FUT8: variants seen among roughly 807,000 people sequenced by gnomAD.
FUT8 encodes alpha-(1,6)-fucosyltransferase.
Under a neutral mutation model 71.3 loss-of-function variants are expected in FUT8, and 29 were observed. That is an observed-to-expected ratio of 0.41 (90% CI 0.30 to 0.55). FUT8 has a LOEUF of 0.55. FUT8 is among the 20% of genes least tolerant of loss of function. The pLI is 0.34. For synonymous variants in FUT8, 254 were observed against 239.3 expected (o/e 1.06, Z -0.57); for missense variants, 544 against 702.1 (o/e 0.77, Z 2.55).
chr14:65,473,162 G>A (rs1196511679), intron 2 of FUT8, among the ~76,000 whole-genome samples: 5 of 152,088 alleles, frequency 3.3e-5, no homozygotes, highest in African/African-American at 9.7e-5. Flanking sequence ...TCAGTTAACA[G>A]TGTAAATGTT....
intron 2 of FUT8, among the ~76,000 whole-genome samples, chr14:65,458,934 G>A (rs958262320): frequency 2.0e-5 from 3 of 151,818 alleles, no homozygotes; most frequent in African/African-American, 7.3e-5. Context: ...GATTACAGAT[G>A]TGTGTCACCA....
At chr14:65,612,110 A>G (rs1347718821) in intron 3 of FUT8, among the ~76,000 whole-genome samples, 2 of 151,800 alleles carry the variant, frequency 1.3e-5, no homozygotes, top group Admixed American at 1.3e-4. Context: ...ACTCTTCTTT[A>G]TGGGTTGTCT....
intron 1 of FUT8, among the ~76,000 whole-genome samples, chr14:65,433,370 G>A (rs1379786727): frequency 1.3e-5 from 2 of 152,166 alleles, no homozygotes; most frequent in Non-Finnish European, 2.9e-5. Context: ...ACAAGTAGGG[G>A]CATTCCAGGA....
At chr14:65,629,402 A>T in intron 5 of FUT8, 90 bp from the exon 6 acceptor site, 1 of 750,632 alleles carries the variant, frequency 1.3e-6, no homozygotes, top group South Asian at 1.8e-5. Flanking sequence ...ATCAATCTTT[A>T]TGAGGAATCT....
At chr14:65,384,144 C>T in the FUT8 span, among the ~76,000 whole-genome samples, 1 of 152,132 alleles carries the variant, frequency 6.6e-6, no homozygotes, top group African/African-American at 2.4e-5. The surrounding 1 kb of genome is among the most constrained non-coding windows in gnomAD (Gnocchi z 4.2). Context: ...AGGCAGGATA[C>T]TAGTTAGGAA....
chr14:65,407,220 A>G (rs567996950), upstream of FUT8, among the ~76,000 whole-genome samples: 15 of 152,344 alleles, frequency 9.8e-5, no homozygotes, highest in African/African-American at 2.6e-4. Flanking sequence ...ATACTTCTCT[A>G]TCCTAAGTTG....
At chr14:65,634,426 C>T (rs528236246) in intron 6 of FUT8, among the ~76,000 whole-genome samples, 21 of 152,182 alleles carry the variant, frequency 1.4e-4, no homozygotes, top group African/African-American at 4.3e-4. Context: ...ACAAACACTG[C>T]GGAAGGCTGC....
intron 7 of FUT8, among the ~76,000 whole-genome samples, chr14:65,721,072 C>G (rs755729721): frequency 2.0e-5 from 3 of 152,090 alleles, no homozygotes; most frequent in African/African-American, 4.8e-5. Flanking sequence ...TTCAGTGTCT[C>G]TTTCAGCAAT....
At chr14:65,585,765 C>T (rs916330382) in intron 3 of FUT8, among the ~76,000 whole-genome samples, 2 of 152,168 alleles carry the variant, frequency 1.3e-5, no homozygotes, top group East Asian at 1.9e-4. Context: ...GAAATATTGG[C>T]GTTTGATTTC....
intron 2 of FUT8, among the ~76,000 whole-genome samples, chr14:65,516,822 C>T (rs1469499975): frequency 2.0e-5 from 3 of 151,862 alleles, no homozygotes; most frequent in East Asian, 1.9e-4. Flanking sequence ...ATCTCCAGAA[C>T]GCTTTCATCA....
At chr14:65,492,726 G>A (rs2066500186) in intron 2 of FUT8, among the ~76,000 whole-genome samples, 1 of 152,066 alleles carries the variant, frequency 6.6e-6, no homozygotes, top group Admixed American at 6.6e-5. Flanking sequence ...GAAGAGAAAG[G>A]AAATAAAACA....
chr14:65,655,471 G>A (rs1272975816), intron 6 of FUT8, among the ~76,000 whole-genome samples: 20 of 130,548 alleles, frequency 1.5e-4, no homozygotes, highest in African/African-American at 4.5e-4. Flanking sequence ...GCAAGACTCC[G>A]TCTCAAAAAA....
chr14:65,601,568 T>C (rs1888289883), intron 3 of FUT8, among the ~76,000 whole-genome samples: 2 of 152,166 alleles, frequency 1.3e-5, no homozygotes, highest in Admixed American at 1.3e-4. Flanking sequence ...TTTCTTATTA[T>C]CATGTGAAAC....
chr14:65,559,806 GAGAA>G (rs1164014820), intron 2 of FUT8, among the ~76,000 whole-genome samples: 7 of 152,062 alleles, frequency 4.6e-5, no homozygotes, highest in Admixed American at 1.3e-4. Flanking sequence ...AGTGGGGATT[GAGAA>G]AGAGTTTTAA....
Position 65,514,198 on chromosome 14 carries a change from G to T in FUT8, c.-227-47139G>T, listed in dbSNP as rs1414304419. On this transcript the variant is annotated intron_variant, in intron 2 of 10. Coordinates refer to ENST00000673929, the MANE Select transcript of FUT8 (RefSeq NM_001371533.1). ...TTGTCCCAGTTGTCTTTATCAGGCA[G>T]TTTACCAAGATCGGTTGGGCAGTTT... Among the ~76,000 whole-genome samples the T allele has an allele frequency of 2.8e-5, 4 of 143,184 alleles. No individual in the cohort carries two copies. In the East Asian group the frequency reaches 8.7e-4, roughly 31 times the overall value. The allele number at this position is 143,184 out of a possible 152,430, so 93.9% of individuals were successfully genotyped here. A position where few individuals can be genotyped will look rare whatever the true frequency, so the allele number is the denominator to read the frequency against.
chr14:65,717,147 G>GAT (rs1287302552), intron 7 of FUT8, among the ~76,000 whole-genome samples: 2 of 122,892 alleles, frequency 1.6e-5, no homozygotes, highest in Admixed American at 8.0e-5. Context: ...TTTCCCAGAT[G>GAT]GGGCGGCCGG....
At chr14:65,565,926 A>T (rs528968726) in intron 3 of FUT8, among the ~76,000 whole-genome samples, 1 of 151,686 alleles carries the variant, frequency 6.6e-6, no homozygotes, top group Non-Finnish European at 1.5e-5. Context: ...TAAACACAAA[A>T]TTATATTTAT....
At chr14:65,570,247 C>G (rs1321104541) in intron 3 of FUT8, among the ~76,000 whole-genome samples, 1 of 152,034 alleles carries the variant, frequency 6.6e-6, no homozygotes, top group Non-Finnish European at 1.5e-5. Flanking sequence ...CTTGCAGTTT[C>G]CAAATTTTCA....
the FUT8 span, among the ~76,000 whole-genome samples, chr14:65,372,070 G>C: frequency 2.1e-3 from 325 of 152,106 alleles, 1 homozygote; most frequent in African/African-American, 7.4e-3. Context: ...CCCTTCTCTG[G>C]CAGTAGAAAA....
Sources: allele counts gnomAD v4.1 joint callset (sites outside exome capture counted in the v4.1 genomes callset), GRCh38; gene constraint gnomAD v4.1.1; non-coding constraint Gnocchi (gnomAD v3.1); transcripts MANE v1.5; gene names NCBI Gene and HGNC (gene_info 2026-07-23, HGNC 2026-07-21).